Variants in B3GAT1 observed in about 807,000 individuals in gnomAD.
B3GAT1 encodes beta-1,3-glucuronyltransferase 1.
B3GAT1 carries 11 observed loss-of-function variants against 28.4 expected under a neutral mutation model. That is an observed-to-expected ratio of 0.39 (90% CI 0.24 to 0.64). The LOEUF (loss-of-function observed/expected upper bound fraction) is 0.64. Ranked by LOEUF, B3GAT1 falls within the 30% of genes least tolerant of loss-of-function variation. The probability of loss-of-function intolerance (pLI) is 0.50; values close to 1 mark genes in which losing one functional copy is unlikely to be tolerated. For missense variants in B3GAT1, 375 were observed against 491.0 expected (o/e 0.76, Z 2.23); for synonymous variants, 255 against 223.1 (o/e 1.14, Z -1.27).
At chr11:134,405,364 G>A (rs1242106368) in intron 1 of B3GAT1, among the ~76,000 whole-genome samples, 1 of 152,204 alleles carries the variant, frequency 6.6e-6, no homozygotes, top group Non-Finnish European at 1.5e-5. Context: ...CTGAAGCCAC[G>A]GAGGGTCCAC....
Position 134,387,812 on chromosome 11 carries a change from G to C in B3GAT1, c.-153C>G. On this transcript the variant is annotated 5_prime_UTR_variant, in exon 2 of 6. Transcript: ENST00000312527. ...GAGAGGACAGAGCAGCTGAATGTTG[G>C]CTAGCAGGTCTTACCAGCACTCACA... 6.5e-7 allele frequency: 1 copy of C among 1,535,498 alleles called. No individual in the cohort carries two copies. Among genetic ancestry groups the C allele is most frequent in the Non-Finnish European group, 8.7e-7 (1 of 1,145,798 alleles).
intron 1 of B3GAT1, among the ~76,000 whole-genome samples, chr11:134,398,758 C>G (rs143112535): frequency 2.8e-4 from 42 of 152,222 alleles, no homozygotes; most frequent in Non-Finnish European, 5.9e-4. Flanking sequence ...CTATGGCCAG[C>G]TGGCCCCCGG....
rs1236697971 is a variant in B3GAT1 at position 134,393,540 on chromosome 11, C to T, written c.-281-5600G>A. Among the ~76,000 whole-genome samples the T allele has an allele frequency of 6.6e-6, 1 of 152,188 alleles. No individual in the cohort carries two copies. The highest frequency in any genetic ancestry group is 1.5e-5 in the Non-Finnish European group (1 of 68,036). ...TAGCACCCTTTAGAATATGACTTTT[C>T]CCTGCCAGCCTTTACCTAACTTGGA... On this transcript the variant is annotated intron_variant, in intron 1 of 5. Transcript: ENST00000312527. The surrounding 1 kb of genome is among the most constrained non-coding windows in gnomAD (Gnocchi z 4.0).
chr11:134,400,279 C>A (rs1944586592), intron 1 of B3GAT1, among the ~76,000 whole-genome samples: 1 of 152,208 alleles, frequency 6.6e-6, no homozygotes, highest in Non-Finnish European at 1.5e-5. Context: ...CCAGAAGCTC[C>A]TCCGGGGGCG....
At chr11:134,384,341 A>G (rs927823875) in intron 2 of B3GAT1, 153 bp from the exon 3 acceptor site, 2 of 1,041,558 alleles carry the variant, frequency 1.9e-6, no homozygotes, top group Non-Finnish European at 2.7e-6. Context: ...GTTAGCTCTA[A>G]GGTTGAAATC....
intron 1 of B3GAT1, among the ~76,000 whole-genome samples, chr11:134,402,447 G>GCC (rs568797988): frequency 1.3e-5 from 2 of 152,066 alleles, no homozygotes; most frequent in East Asian, 3.9e-4. Context: ...GTCACTCCCT[G>GCC]CCCCGTCTCC....
chr11:134,393,183 A>G lies in B3GAT1; in HGVS notation c.-281-5243T>C, dbSNP rs918241993. On this transcript the variant is annotated intron_variant, in intron 1 of 5. Transcript: ENST00000312527. This position sits in a 1 kb window ranked among gnomAD's most constrained non-coding sequence, Gnocchi z 4.0. ...CCTTTTTACCCAGTAAGATGGGAAC[A>G]GTAGTTAAGTGGTTCATCAAAAAAG... is the stretch of plus-strand genomic sequence containing the variant. Among the ~76,000 whole-genome samples the G allele has an allele frequency of 2.6e-5, 4 of 152,218 alleles. No individual in the cohort carries two copies. Among genetic ancestry groups the G allele is most frequent in the Admixed American group, 2.6e-4 (4 of 15,282 alleles).
At chr11:134,399,527 A>AG (rs1944570074) in intron 1 of B3GAT1, among the ~76,000 whole-genome samples, 1 of 152,328 alleles carries the variant, frequency 6.6e-6, no homozygotes, top group Admixed American at 6.5e-5. Context: ...GGCAGGGTCC[A>AG]GGGGCAAGCC....
chr11:134,397,658 G>A (rs376966385), intron 1 of B3GAT1, among the ~76,000 whole-genome samples: 56 of 152,318 alleles, frequency 3.7e-4, no homozygotes, highest in African/African-American at 1.2e-3. Flanking sequence ...GCCGCGGGGG[G>A]TCCAGAGCCA....
chr11:134,384,079 C>G lies in B3GAT1; in HGVS notation c.222G>C (p.Thr74=). The change falls in exon 3 of 6, where the codon ACG becomes ACC. Residue 74 remains threonine, a synonymous_variant. Transcript: ENST00000312527. ...GCGTGTCGGACCATGGCGGGGGCCG[C>G]GTGTACACGTACTCGGTGCGCACCA... is the stretch of plus-strand genomic sequence containing the variant. ...VEVVRTEYVY[T]RPPPWSDTLP... is the part of the protein sequence containing the mutation. 6.2e-7 allele frequency: 1 copy of G among 1,601,656 alleles called. No homozygotes were observed.
chr11:134,393,792 C>T lies in B3GAT1; in HGVS notation c.-281-5852G>A, dbSNP rs73032534. The stretch of plus-strand genomic sequence containing the variant: ...ACACGGCGCCGGTCAGTGTGCTGTG[C>T]GGACCGGGTGCAGGACACCAACCTG... On this transcript the variant is annotated intron_variant, in intron 1 of 5. Transcript: ENST00000312527. The surrounding 1 kb of genome is among the most constrained non-coding windows in gnomAD (Gnocchi z 4.0). 0.045 allele frequency among the ~76,000 whole-genome samples: 6,885 copies of T among 152,222 alleles called. 203 individuals carry two copies. Among genetic ancestry groups the T allele is most frequent in the Non-Finnish European group, 0.064 (4,381 of 68,000 alleles).
At position 134,380,601 on chromosome 11, in the gene B3GAT1, C is replaced by G. The variant is rs1565447089; in HGVS notation, c.*161G>C. 6.5e-6 allele frequency: 1 copy of G among 152,724 alleles called. No individual in the cohort carries two copies. The highest frequency in any genetic ancestry group is 1.5e-5 in the Non-Finnish European group (1 of 68,118). The allele number at this position is 152,724 out of a possible 1,614,324, so 9.5% of individuals were successfully genotyped here. On this transcript the variant is annotated 3_prime_UTR_variant, in exon 6 of 6. Transcript: ENST00000312527. ...GATTTCTGTGCTTAAATTCTCTGTC[C>G]TTTGTTCTGGCATCAGGCTGGGCTC...
At chr11:134,389,633 GCAGGCAGCCTCGGGCAGCC>G (rs1471036018) in intron 1 of B3GAT1, 1 of 152,608 alleles carries the variant, frequency 6.6e-6, no homozygotes, top group East Asian at 1.9e-4. Context: ...GGTGGGGAGG[GCAGGCAGCCTCGGGCAGCC>G]CAGCCAGCCT....
intron 1 of B3GAT1, among the ~76,000 whole-genome samples, chr11:134,395,708 C>T (rs991472568): frequency 2.5e-4 from 38 of 152,100 alleles, no homozygotes; most frequent in Non-Finnish European, 5.0e-4. Flanking sequence ...TAGGCCCATT[C>T]TAAAAGCCAG....
chr11:134,388,032 G>A (rs541956528), intron 1 of B3GAT1, 92 bp from the exon 2 acceptor site: 28 of 462,256 alleles, frequency 6.1e-5, no homozygotes, highest in South Asian at 3.4e-4. Flanking sequence ...ACACAGCATC[G>A]GGGGTTCCAC....
At position 134,382,627 on chromosome 11, in the gene B3GAT1, G is replaced by GT; in HGVS notation, c.918+82dup. 5 of 1,506,424 alleles carry GT rather than the reference G, an allele frequency of 3.3e-6. No individual in the cohort carries two copies. The Admixed American group carries it at 9.8e-5, about 29-fold the overall frequency. 93.3% of individuals were successfully genotyped at this position (1,506,424 alleles called of 1,614,324 possible). A position where few individuals can be genotyped will look rare whatever the true frequency, so the allele number is the denominator to read the frequency against. The stretch of plus-strand genomic sequence containing the variant: ...AAGCCCAGGCTATTTTGAGGCCTCT[G>GT]TTTCCTTCTCCCGATCTGTAGGGAG... On this transcript the variant is annotated intron_variant, in intron 4 of 5. Coordinates refer to ENST00000312527, the MANE Select transcript of B3GAT1 (RefSeq NM_054025.3).
At chr11:134,407,245 C>T (rs929203456) in intron 1 of B3GAT1, among the ~76,000 whole-genome samples, 1 of 152,156 alleles carries the variant, frequency 6.6e-6, no homozygotes, top group African/African-American at 2.4e-5. Context: ...GCCTCAGAGG[C>T]CAGATTGCTC....
intron 1 of B3GAT1, among the ~76,000 whole-genome samples, chr11:134,404,203 A>G (rs1469846005): frequency 6.6e-6 from 1 of 151,290 alleles, no homozygotes; most frequent in Non-Finnish European, 1.5e-5. Flanking sequence ...CCGGTGTGTG[A>G]TGTTCCCCTT....
In B3GAT1 at chr11:134,411,485, G is replaced by T. The variant is rs969931336; in HGVS notation, c.-282+322C>A. ...CCACCAGAAACCACCTGCTGAGGGG[G>T]CCGGGAACTGACGACTGAGAGCCCG... On this transcript the variant is annotated intron_variant, in intron 1 of 5. Coordinates refer to ENST00000312527, the MANE Select transcript of B3GAT1 (RefSeq NM_054025.3). This position sits in a 1 kb window ranked among gnomAD's most constrained non-coding sequence, Gnocchi z 6.0. Among the ~76,000 whole-genome samples, 2 of 152,110 alleles carry T rather than the reference G, an allele frequency of 1.3e-5. No individual in the cohort carries two copies. The highest frequency in any genetic ancestry group is 2.9e-5 in the Non-Finnish European group (2 of 67,992).
Sources: allele counts gnomAD v4.1 joint callset (sites outside exome capture counted in the v4.1 genomes callset), GRCh38; gene constraint gnomAD v4.1.1; non-coding constraint Gnocchi (gnomAD v3.1); transcripts MANE v1.5; gene names NCBI Gene and HGNC (gene_info 2026-07-23, HGNC 2026-07-21).